The following RBPJ variants were observed in gnomAD, a reference collection of about 807,000 sequenced individuals.
RBPJ encodes recombining binding protein suppressor of hairless.
Under a neutral mutation model 67.8 loss-of-function variants are expected in RBPJ, and 9 were observed. The observed-to-expected ratio is 0.13, with a 90% CI of 0.08 to 0.23. The LOEUF is 0.23. RBPJ is among the 10% of genes least tolerant of loss of function. The pLI is 1.00. For synonymous variants in RBPJ, 198 were observed against 203.3 expected (o/e 0.97, Z 0.22); for missense variants, 305 against 595.6 (o/e 0.51, Z 5.08).
chr4:26,268,817 C>T (rs1720789382), intron 1 of RBPJ, among the ~76,000 whole-genome samples: 2 of 152,156 alleles, frequency 1.3e-5, no homozygotes, highest in African/African-American at 4.8e-5. Context: ...TCATCATTCA[C>T]TGAGTGATGC....
At chr4:26,391,364 A>G (rs752350038) in intron 2 of RBPJ, among the ~76,000 whole-genome samples, 3 of 152,196 alleles carry the variant, frequency 2.0e-5, no homozygotes, top group Non-Finnish European at 2.9e-5. Flanking sequence ...CTTTCCAGTC[A>G]AGGTGCGAAG....
intron 1 of RBPJ, among the ~76,000 whole-genome samples, chr4:26,232,657 C>T (rs939506183): frequency 6.6e-6 from 1 of 152,166 alleles, no homozygotes. Flanking sequence ...ACAACAACAA[C>T]GATAATAATA....
intron 1 of RBPJ, among the ~76,000 whole-genome samples, chr4:26,202,644 T>C (rs1718019044): frequency 6.6e-6 from 1 of 152,022 alleles, no homozygotes; most frequent in Admixed American, 6.6e-5. Flanking sequence ...CGGTGGCTCA[T>C]ACCTGTAATC....
intron 1 of RBPJ, among the ~76,000 whole-genome samples, chr4:26,285,211 T>C (rs923434917): frequency 6.6e-6 from 1 of 152,074 alleles, no homozygotes; most frequent in African/African-American, 2.4e-5. Context: ...GAAAGGCATT[T>C]CTGTATAGCA....
intron 1 of RBPJ, among the ~76,000 whole-genome samples, chr4:26,263,718 C>G (rs1180177027): frequency 6.6e-6 from 1 of 151,430 alleles, no homozygotes; most frequent in Non-Finnish European, 1.5e-5. Flanking sequence ...ACTACAGGTG[C>G]GTGCCACCAC....
chr4:26,282,490 A>C (rs1369873625), intron 1 of RBPJ, among the ~76,000 whole-genome samples: 1 of 152,090 alleles, frequency 6.6e-6, no homozygotes, highest in Admixed American at 6.5e-5. Context: ...ATTACAACAA[A>C]TCAAATGAGC....
intron 1 of RBPJ, among the ~76,000 whole-genome samples, chr4:26,352,020 T>C (rs1726862399): frequency 6.6e-6 from 1 of 152,142 alleles, no homozygotes; most frequent in African/African-American, 2.4e-5. Flanking sequence ...TGAACTGACA[T>C]TGATCTTTGT....
At chr4:26,344,644 A>G (rs1352138263) in intron 1 of RBPJ, among the ~76,000 whole-genome samples, 2 of 152,242 alleles carry the variant, frequency 1.3e-5, no homozygotes, top group Non-Finnish European at 2.9e-5. Context: ...TACCTAGAAG[A>G]TAAATTTCTC....
At position 26,431,395 on chromosome 4, in the gene RBPJ, A is replaced by G. The variant is rs1736224170; in HGVS notation, c.*388A>G. On this transcript the variant is annotated 3_prime_UTR_variant, in exon 11 of 11. Coordinates refer to ENST00000355476, the MANE Select transcript of RBPJ (RefSeq NM_015874.6). ...AGTTTTTATGGACCAAGGAACTTGTATATTGTATAAGCTTTAGTAAAAGGT... is the reference window on the plus strand; with the variant it reads ...AGTTTTTATGGACCAAGGAACTTGTGTATTGTATAAGCTTTAGTAAAAGGT... The G allele has an allele frequency of 5.5e-6, 1 of 181,676 alleles. No individual in the cohort carries two copies. The highest frequency in any genetic ancestry group is 5.5e-5 in the Admixed American group (1 of 18,052). The allele number at this position is 181,676 out of a possible 1,614,324, so 11.3% of individuals were successfully genotyped here.
chr4:26,317,109 T>C (rs1722677017), upstream of RBPJ, among the ~76,000 whole-genome samples: 1 of 151,446 alleles, frequency 6.6e-6, no homozygotes, highest in East Asian at 1.9e-4. Flanking sequence ...TAATATTACA[T>C]TATAATGGAA....
intron 1 of RBPJ, among the ~76,000 whole-genome samples, chr4:26,241,383 A>C (rs758917040): frequency 5.3e-5 from 8 of 152,188 alleles, no homozygotes; most frequent in Non-Finnish European, 8.8e-5. Context: ...CTTGGAATCA[A>C]GCATGAAGAA....
intron 1 of RBPJ, among the ~76,000 whole-genome samples, chr4:26,372,299 A>G (rs1729234959): frequency 6.6e-6 from 1 of 152,360 alleles, no homozygotes; most frequent in Middle Eastern, 3.4e-3. Flanking sequence ...CTAGTGCTGT[A>G]GACAGTAGAG....
chr4:26,287,351 G>A (rs1721500050), intron 1 of RBPJ, among the ~76,000 whole-genome samples: 1 of 151,798 alleles, frequency 6.6e-6, no homozygotes, highest in African/African-American at 2.4e-5. Flanking sequence ...ACCAGCCTGG[G>A]CAGCATAGCG....
chr4:26,274,943 A>C (rs1721029731), intron 1 of RBPJ, among the ~76,000 whole-genome samples: 1 of 152,220 alleles, frequency 6.6e-6, no homozygotes, highest in South Asian at 2.1e-4. Flanking sequence ...TCTCAAAAAA[A>C]CAAAAAAAGA....
At chr4:26,362,469 T>C (rs1728166387) in intron 1 of RBPJ, 3 of 1,464,964 alleles carry the variant, frequency 2.0e-6, no homozygotes, top group Non-Finnish European at 2.7e-6. Flanking sequence ...GAGACTATCA[T>C]TCAAATGGAA....
chr4:26,328,984 T>C (rs1401489126), intron 1 of RBPJ, among the ~76,000 whole-genome samples: 1 of 151,928 alleles, frequency 6.6e-6, no homozygotes, highest in Non-Finnish European at 1.5e-5. Context: ...AAGGGTAAGG[T>C]ATTGAGGTTT....
rs111674207 is a variant in RBPJ at position 26,389,815 on chromosome 4, G to A, written c.59+3424G>A. 7.2e-5 allele frequency among the ~76,000 whole-genome samples: 11 copies of A among 152,098 alleles called. 1 individual carries two copies. The highest frequency in any genetic ancestry group is 2.7e-4 in the African/African-American group (11 of 41,494). On this transcript the variant is annotated intron_variant, in intron 2 of 10. Coordinates refer to ENST00000355476, the MANE Select transcript of RBPJ (RefSeq NM_015874.6). Reference sequence around the variant, plus strand: ...AGGAAATTGAACTTGTAAACCTTCTGACAAAACTGCAGGCCCAGATGGCTT... The same window carrying A: ...AGGAAATTGAACTTGTAAACCTTCTAACAAAACTGCAGGCCCAGATGGCTT...
At chr4:26,143,452 C>A in the RBPJ span, among the ~76,000 whole-genome samples, 3 of 152,344 alleles carry the variant, frequency 2.0e-5, no homozygotes, top group Admixed American at 6.5e-5. Flanking sequence ...GTGGAGCCAT[C>A]TTGGAAGTGG....
At chr4:26,255,801 CAAA>C (rs34958199) in intron 1 of RBPJ, among the ~76,000 whole-genome samples, 8 of 75,268 alleles carry the variant, frequency 1.1e-4, no homozygotes, top group Admixed American at 3.1e-4. Flanking sequence ...GACTCCGTCT[CAAA>C]AAAAAAAAAA....
Sources: gnomAD v4.1 joint callset for allele counts (sites outside exome capture counted in the v4.1 genomes callset) on GRCh38, gnomAD v4.1.1 for gene constraint, MANE v1.5 for transcripts, NCBI Gene and HGNC (gene_info 2026-07-23, HGNC 2026-07-21) for gene names.